The following HTR2C variants were observed in gnomAD, a reference collection of about 807,000 sequenced individuals.
HTR2C encodes 5-hydroxytryptamine receptor 2C, also known as 5-hydroxytryptamine (serotonin) receptor 2C, G protein-coupled.
Under a neutral mutation model 21.0 loss-of-function variants are expected in HTR2C, and 5 were observed. The ratio of observed to expected loss-of-function variants is 0.24; its 90% CI spans 0.12 to 0.50. The LOEUF is 0.50. Ranked by LOEUF, HTR2C falls within the 20% of genes least tolerant of loss-of-function variation. HTR2C has a pLI of 0.98. For missense variants in HTR2C, 271 were observed against 371.2 expected (o/e 0.73, Z 2.22); for synonymous variants, 150 against 145.3 (o/e 1.03, Z -0.23).
chrX:114,718,939 A>C (rs1363676734), intron 2 of HTR2C, among the ~76,000 whole-genome samples: 2 of 99,383 alleles, frequency 2.0e-5, no homozygotes, highest in East Asian at 5.9e-4. Flanking sequence ...TATATAATAT[A>C]ATATAAATTA....
At chrX:114,783,527 T>C (rs190910164) in intron 4 of HTR2C, among the ~76,000 whole-genome samples, 14 of 111,815 alleles carry the variant, frequency 1.3e-4, no homozygotes, top group African/African-American at 3.9e-4. Context: ...ATTTCACTAA[T>C]TGATAGAACA....
chrX:114,653,152 C>A (rs782217782), intron 2 of HTR2C, among the ~76,000 whole-genome samples: 4 of 107,324 alleles, frequency 3.7e-5, no homozygotes, highest in South Asian at 8.2e-4. Flanking sequence ...TTCTTTACTA[C>A]GTTATATAAT....
chrX:114,816,460 C>T (rs1556454573), intron 4 of HTR2C, among the ~76,000 whole-genome samples: 2 of 109,839 alleles, frequency 1.8e-5, no homozygotes, highest in Non-Finnish European at 3.8e-5. Context: ...ATAGTTAACT[C>T]ATGCTAGTTT....
At chrX:114,851,515 T>C (rs1210916397) in intron 5 of HTR2C, among the ~76,000 whole-genome samples, 2 of 111,904 alleles carry the variant, frequency 1.8e-5, no homozygotes, top group Non-Finnish European at 3.8e-5. Context: ...ATTTTTCTCA[T>C]TTTATTATTC....
At chrX:114,801,216 A>G (rs2070342958) in intron 4 of HTR2C, among the ~76,000 whole-genome samples, 1 of 111,519 alleles carries the variant, frequency 9.0e-6, no homozygotes, top group African/African-American at 3.3e-5. Context: ...ACTTGTCTAG[A>G]TCACATGGAA....
intron 2 of HTR2C, among the ~76,000 whole-genome samples, chrX:114,690,980 A>G (rs1171492682): frequency 9.0e-6 from 1 of 111,056 alleles, no homozygotes; most frequent in Non-Finnish European, 1.9e-5. Flanking sequence ...CTTTAGCATC[A>G]CAATCATATT....
At chrX:114,881,487 A>C (rs2071181178) in intron 5 of HTR2C, among the ~76,000 whole-genome samples, 1 of 106,902 alleles carries the variant, frequency 9.4e-6, no homozygotes, top group Non-Finnish European at 1.9e-5. Flanking sequence ...TAGGTCTTTG[A>C]ACTATTTTGA....
chrX:114,859,496 A>G (rs1338588012), intron 5 of HTR2C, among the ~76,000 whole-genome samples: 2 of 111,719 alleles, frequency 1.8e-5, no homozygotes, highest in East Asian at 2.8e-4. Flanking sequence ...ATTGGCATCA[A>G]GTGGTGTAAT....
chrX:114,818,086 T>A (rs1163008564), intron 4 of HTR2C, among the ~76,000 whole-genome samples: 2 of 111,607 alleles, frequency 1.8e-5, no homozygotes, highest in African/African-American at 6.5e-5. Context: ...GTGAAAAACA[T>A]AAACTACCTG....
chrX:114,589,923 G>A, intron 1 of HTR2C: 1 of 268,383 alleles, frequency 3.7e-6, no homozygotes, highest in South Asian at 4.7e-5. Context: ...AGGTCCAAGT[G>A]ATCCATTTCT....
At chrX:114,798,410 T>G (rs1392894042) in intron 4 of HTR2C, among the ~76,000 whole-genome samples, 1 of 111,731 alleles carries the variant, frequency 9.0e-6, no homozygotes, top group Non-Finnish European at 1.9e-5. Flanking sequence ...CTTATTAATC[T>G]GATAAATTCA....
chrX:114,739,281 A>G (rs1314483014), intron 4 of HTR2C, among the ~76,000 whole-genome samples: 2 of 111,898 alleles, frequency 1.8e-5, no homozygotes, highest in Non-Finnish European at 3.8e-5. Context: ...ATTTTGCTGT[A>G]GATATTAGTC....
intron 2 of HTR2C, among the ~76,000 whole-genome samples, chrX:114,703,911 T>C (rs1179890603): frequency 4.6e-5 from 5 of 109,438 alleles, no homozygotes; most frequent in African/African-American, 1.7e-4. Flanking sequence ...CAAACTACCA[T>C]CAGAGAATAC....
chrX:114,715,319 C>T (rs1556419655), intron 2 of HTR2C: 1 of 383,629 alleles, frequency 2.6e-6, no homozygotes, highest in Non-Finnish European at 5.2e-6. Context: ...GGGCAACTGA[C>T]TGAACTTTTC....
chrX:114,641,051 TCTTTTTTTCTTTTC>T (rs1309424144), intron 2 of HTR2C, among the ~76,000 whole-genome samples: 4 of 102,077 alleles, frequency 3.9e-5, no homozygotes, highest in Non-Finnish European at 7.8e-5. Flanking sequence ...TTTCTTTCTT[TCTTTTTTTCTTTTC>T]TTTTCTTTTC....
rs782636472 is a variant in HTR2C at position 114,892,451 on chromosome X, G to A, written c.551-14138G>A. On this transcript the variant is annotated intron_variant, in intron 5 of 5. Transcript: ENST00000276198. ...AAAAAATTAAATAAGGAAAAGTAAA[G>A]AAGACTGGAAAGAAAACACAACTTT... Among the ~76,000 whole-genome samples the A allele has an allele frequency of 4.5e-5, 5 of 111,697 alleles. No homozygotes were observed. In the South Asian group the frequency reaches 1.9e-3, roughly 41 times the overall value.
At position 114,848,215 on chromosome X, in the gene HTR2C, T is replaced by A; in HGVS notation, c.550+12T>A. Reference sequence around the variant, plus strand: ...GGCAATTTCTATAGGTAAATAAAACTTTTTGGCCATAAGAATTGCAGCGGC... The same window carrying A: ...GGCAATTTCTATAGGTAAATAAAACATTTTGGCCATAAGAATTGCAGCGGC... On this transcript the variant is annotated intron_variant, in intron 5 of 5. Coordinates refer to ENST00000276198, the MANE Select transcript of HTR2C (RefSeq NM_000868.4). 1.7e-6 allele frequency: 2 copies of A among 1,170,550 alleles called. No individual in the cohort carries two copies. The highest frequency in any genetic ancestry group is 2.3e-6 in the Non-Finnish European group (2 of 859,371).
intron 1 of HTR2C, among the ~76,000 whole-genome samples, chrX:114,599,321 A>G (rs1275275358): frequency 8.9e-6 from 1 of 111,976 alleles, no homozygotes; most frequent in Non-Finnish European, 1.9e-5. Context: ...AAATTAGATG[A>G]CTGACCAGTT....
intron 2 of HTR2C, among the ~76,000 whole-genome samples, chrX:114,623,641 A>C (rs1262597968): frequency 9.0e-6 from 1 of 111,678 alleles, no homozygotes; most frequent in Non-Finnish European, 1.9e-5. Flanking sequence ...GTTTGACTAG[A>C]AAATGACTTT....
Sources: gnomAD v4.1 joint callset for allele counts (sites outside exome capture counted in the v4.1 genomes callset) on GRCh38, gnomAD v4.1.1 for gene constraint, MANE v1.5 for transcripts, NCBI Gene and HGNC (gene_info 2026-07-23, HGNC 2026-07-21) for gene names.